The following CSF1R variants were observed in gnomAD, a reference collection of about 807,000 sequenced individuals.
The protein encoded by CSF1R is macrophage colony-stimulating factor 1 receptor.
A neutral mutation model predicts 110.0 loss-of-function variants in CSF1R; 40 were observed. The observed-to-expected ratio is 0.36, with a 90% confidence interval of 0.28 to 0.47. The LOEUF is 0.47. CSF1R is among the 20% of genes least tolerant of loss of function. The pLI, the probability that CSF1R is intolerant of heterozygous loss-of-function variation, is 0.99. For missense variants in CSF1R, 1,052 were observed against 1,253.0 expected (o/e 0.84, Z 2.42); for synonymous variants, 523 against 503.4 (o/e 1.04, Z -0.52).
intron 10 of CSF1R, among the ~76,000 whole-genome samples, chr5:150,063,912 TAAAG>T (rs779644591): frequency 2.0e-5 from 3 of 151,974 alleles, no homozygotes; most frequent in Admixed American, 6.6e-5. Context: ...GCTAGAAACT[TAAAG>T]GAAGTGTGGA....
intron 5 of CSF1R, chr5:150,076,787 C>A: frequency 4.3e-6 from 1 of 231,956 alleles, no homozygotes; most frequent in Non-Finnish European, 8.6e-6. Flanking sequence ...AAGCGCTGTT[C>A]CCCTTCCTTT....
At chr5:150,056,635 C>T (rs1052579981) in intron 16 of CSF1R, among the ~76,000 whole-genome samples, 1 of 151,982 alleles carries the variant, frequency 6.6e-6, no homozygotes, top group African/African-American at 2.4e-5. Context: ...CGAAGGGCTT[C>T]CGTGCAGAGA....
chr5:150,054,168 ACTG>A lies in CSF1R; in HGVS notation c.2817_2819del (p.Ser940del), dbSNP rs752687225. ...CACTAGAGCTCTCCTCCTCCAGCTC[ACTG>A]CTGCTGCTGCCGCTGCCACCGCTTC... On this transcript the variant is annotated inframe_deletion, in exon 21 of 21. Coordinates refer to ENST00000675795, the MANE Select transcript of CSF1R (RefSeq NM_001288705.3). 7 of 1,612,782 alleles carry A rather than the reference ACTG, an allele frequency of 4.3e-6. No individual in the cohort carries two copies. Among genetic ancestry groups the A allele is most frequent in the East Asian group, 2.2e-5 (1 of 44,806 alleles).
chr5:150,090,745 C>T (rs531241192), upstream of CSF1R, among the ~76,000 whole-genome samples: 7 of 152,106 alleles, frequency 4.6e-5, no homozygotes, highest in South Asian at 1.2e-3. Context: ...TATTGCATGT[C>T]CTCACTTATA....
rs1438687407 is a variant in CSF1R, at chr5:150,069,873, C to T, written c.1510G>A (p.Gly504Arg). 1 of 1,607,180 alleles carries T rather than the reference C, an allele frequency of 6.2e-7. No homozygotes were observed. The highest frequency in any genetic ancestry group is 8.5e-7 in the Non-Finnish European group (1 of 1,175,726). Residue 504 changes from glycine to arginine, a missense_variant and splice_region_variant, in exon 9 of 21, where the codon GGA becomes AGA. Transcript: ENST00000675795. ...GSWAFIPISA[G>R]AHTHPPDEFL... ...TGCGGGTGCGAAGGCTCCCTCTCAC[C>T]TGCAGAGATGGGTATGAAGGCCCAG... is the stretch of plus-strand genomic sequence containing the variant.
chr5:150,097,445 AAAG>A (rs1193466697), intron 1 of CSF1R, among the ~76,000 whole-genome samples: 2 of 151,986 alleles, frequency 1.3e-5, no homozygotes, highest in Non-Finnish European at 1.5e-5. Context: ...AAGAAAGAAA[AAAG>A]AAAGAAAGTG....
chr5:150,086,265 G>T, intron 1 of CSF1R, 114 bp downstream of exon 1: 2 of 1,018,298 alleles, frequency 2.0e-6, no homozygotes, highest in Non-Finnish European at 3.0e-6. Flanking sequence ...GTCCAGTGTT[G>T]GGGAGACTAA....
upstream of CSF1R, among the ~76,000 whole-genome samples, chr5:150,088,629 G>A (rs574071402): frequency 3.9e-5 from 6 of 151,946 alleles, no homozygotes; most frequent in Admixed American, 1.3e-4. Context: ...TGCCTCCCGC[G>A]TTCAAGCTAT....
At chr5:150,106,636 G>C (rs1469460781) in intron 1 of CSF1R, among the ~76,000 whole-genome samples, 3 of 152,146 alleles carry the variant, frequency 2.0e-5, no homozygotes, top group African/African-American at 7.2e-5. Context: ...TGGGGTATTT[G>C]CTCCCATTAC....
intron 4 of CSF1R, 70 bp downstream of exon 4, chr5:150,078,042 A>T: frequency 6.3e-7 from 1 of 1,592,170 alleles, no homozygotes; most frequent in African/African-American, 1.3e-5. Flanking sequence ...GGGGCCCAGG[A>T]CTCCACCATG....
At chr5:150,086,348 C>A in intron 1 of CSF1R, 31 bp downstream of exon 1, 1 of 1,584,426 alleles carries the variant, frequency 6.3e-7, no homozygotes, top group South Asian at 1.2e-5. Context: ...CACACCCCAA[C>A]AAAGTCCCCC....
chr5:150,055,740 G>T (rs1757182688), intron 18 of CSF1R, among the ~76,000 whole-genome samples: 1 of 152,228 alleles, frequency 6.6e-6, no homozygotes, highest in Non-Finnish European at 1.5e-5. Context: ...ATCTTCAAGG[G>T]TCTGTAGATT....
At chr5:150,072,888 T>G (rs942982639) in intron 6 of CSF1R, among the ~76,000 whole-genome samples, 1 of 152,164 alleles carries the variant, frequency 6.6e-6, no homozygotes, top group Admixed American at 6.5e-5. Flanking sequence ...TTCCCCTCCC[T>G]CCAAGCTTTT....
intron 1 of CSF1R, among the ~76,000 whole-genome samples, chr5:150,084,249 G>A (rs561878298): frequency 7.7e-4 from 116 of 151,604 alleles, no homozygotes; most frequent in African/African-American, 2.8e-3. Flanking sequence ...AGAATTGCTT[G>A]AACCCCGGAG....
intron 1 of CSF1R, among the ~76,000 whole-genome samples, chr5:150,083,322 G>A (rs1758639084): frequency 7.2e-6 from 1 of 139,608 alleles, no homozygotes; most frequent in South Asian, 2.3e-4. Context: ...CTTCCAGAAT[G>A]TGCCCCAATC....
chr5:150,068,178 C>G, intron 10 of CSF1R, 37 bp downstream of exon 10: 2 of 1,560,994 alleles, frequency 1.3e-6, no homozygotes, highest in South Asian at 2.3e-5. Context: ...ATCTGGCTCA[C>G]TCAGGCACCT....
At chr5:150,084,437 AGG>A (rs1486376535) in intron 1 of CSF1R, among the ~76,000 whole-genome samples, 4 of 75,416 alleles carry the variant, frequency 5.3e-5, no homozygotes. Context: ...GAAGGAAGGA[AGG>A]AAGGAAGGAA....
Position 150,080,297 on chromosome 5 carries a change from AC to A in CSF1R, c.346del (p.Val116SerfsTer65). ...RPWNVLAQEVVVFEDQDALLP... is the reference protein window; with the variant it reads ...RPWNVLAQEVXVFEDQDALLP... ...TAGTGCGTCCTGGTCCTCGAACACGACCACCTCCTGTGCTAGCACGTTCCAG... is the reference window on the plus strand; with the variant it reads ...TAGTGCGTCCTGGTCCTCGAACACGACACCTCCTGTGCTAGCACGTTCCAG... On this transcript the variant is annotated frameshift_variant, in exon 3 of 21. Coordinates refer to ENST00000675795, the MANE Select transcript of CSF1R (RefSeq NM_001288705.3). LOFTEE classifies it high-confidence loss of function. 6.2e-7 allele frequency: 1 copy of A among 1,613,770 alleles called. No homozygotes were observed. Among genetic ancestry groups the A allele is most frequent in the Non-Finnish European group, 8.5e-7 (1 of 1,180,028 alleles).
chr5:150,065,487 G>A (rs773512834), intron 10 of CSF1R, among the ~76,000 whole-genome samples: 6 of 152,228 alleles, frequency 3.9e-5, no homozygotes, highest in Non-Finnish European at 7.3e-5. Context: ...GAAAGGTGAT[G>A]ATTCAGCCCT....
Sources: gnomAD v4.1 joint callset for allele counts (sites outside exome capture counted in the v4.1 genomes callset) on GRCh38, gnomAD v4.1.1 for gene constraint, MANE v1.5 for transcripts, NCBI Gene and HGNC (gene_info 2026-07-23, HGNC 2026-07-21) for gene names.